Variants in CDH18 observed in about 807,000 individuals in gnomAD.
The protein encoded by CDH18 is cadherin 18, also known as cadherin-18.
A neutral mutation model predicts 67.9 loss-of-function variants in CDH18; 31 were observed. The ratio of observed to expected loss-of-function variants is 0.46; its 90% CI spans 0.34 to 0.62. CDH18 has a LOEUF of 0.62. Ranked by LOEUF, CDH18 falls within the 20% of genes least tolerant of loss-of-function variation. The probability of loss-of-function intolerance (pLI) is 0.01; values close to 1 mark genes in which losing one functional copy is unlikely to be tolerated. For synonymous variants in CDH18, 362 were observed against 347.2 expected (o/e 1.04, Z -0.48); for missense variants, 890 against 975.5 (o/e 0.91, Z 1.17).
intron 2 of CDH18, among the ~76,000 whole-genome samples, chr5:20,034,047 C>T (rs151250253): frequency 0.011 from 1,669 of 152,000 alleles, 15 homozygotes; most frequent in Middle Eastern, 0.02. Flanking sequence ...AAACAGATGG[C>T]AGTGGAAGCA....
At chr5:20,420,117 A>C (rs1035742010) in intron 1 of CDH18, among the ~76,000 whole-genome samples, 1 of 151,114 alleles carries the variant, frequency 6.6e-6, no homozygotes, top group African/African-American at 2.5e-5. Context: ...CAATGGCTGC[A>C]TTTTGTTGAA....
At chr5:19,730,901 A>AT (rs1359385962) in intron 4 of CDH18, among the ~76,000 whole-genome samples, 1 of 152,170 alleles carries the variant, frequency 6.6e-6, no homozygotes, top group Non-Finnish European at 1.5e-5. Context: ...TCTACTATAT[A>AT]TTTTTTAGGA....
At chr5:19,770,642 C>T (rs114603417) in intron 3 of CDH18, among the ~76,000 whole-genome samples, 1 of 151,742 alleles carries the variant, frequency 6.6e-6, no homozygotes, top group Non-Finnish European at 1.5e-5. Flanking sequence ...AAAGGAAGAC[C>T]AAGACAGACT....
At chr5:19,595,891 T>C (rs1043902403) in intron 6 of CDH18, among the ~76,000 whole-genome samples, 5 of 152,218 alleles carry the variant, frequency 3.3e-5, no homozygotes, top group African/African-American at 1.2e-4. Flanking sequence ...TATCTTTTCC[T>C]GTGTAAAACA....
intron 4 of CDH18, among the ~76,000 whole-genome samples, chr5:19,729,019 A>G (rs777546045): frequency 4.6e-5 from 7 of 152,170 alleles, no homozygotes; most frequent in African/African-American, 9.6e-5. Flanking sequence ...AGAAAAAAAT[A>G]TTTCTGCAAG....
chr5:20,076,801 C>T (rs942459422), intron 2 of CDH18, among the ~76,000 whole-genome samples: 2 of 152,178 alleles, frequency 1.3e-5, no homozygotes, highest in Non-Finnish European at 2.9e-5. Flanking sequence ...GATAAAAGTA[C>T]TAAGGCTTTA....
At chr5:19,960,801 A>G (rs1796807631) in intron 2 of CDH18, among the ~76,000 whole-genome samples, 1 of 149,332 alleles carries the variant, frequency 6.7e-6, no homozygotes, top group African/African-American at 2.5e-5. Context: ...GTATATATGT[A>G]TATATACACA....
At chr5:20,377,935 T>A (rs1275657269) in intron 1 of CDH18, among the ~76,000 whole-genome samples, 1 of 112,654 alleles carries the variant, frequency 8.9e-6, no homozygotes, top group African/African-American at 5.3e-5. Flanking sequence ...TTTGCTCCTT[T>A]AATGGAGCAA....
chr5:19,512,400 T>C (rs947752962), intron 10 of CDH18, among the ~76,000 whole-genome samples: 1 of 152,162 alleles, frequency 6.6e-6, no homozygotes, highest in Non-Finnish European at 1.5e-5. Context: ...AATTTTTAGA[T>C]CTCTGAGTAA....
At chr5:19,617,515 G>C (rs1234928291) in intron 5 of CDH18, among the ~76,000 whole-genome samples, 1 of 152,088 alleles carries the variant, frequency 6.6e-6, no homozygotes, top group Non-Finnish European at 1.5e-5. Flanking sequence ...TTACTGCATT[G>C]TGCATTTGTT....
chr5:19,891,933 C>T (rs373056456), intron 2 of CDH18, among the ~76,000 whole-genome samples: 6 of 152,302 alleles, frequency 3.9e-5, no homozygotes, highest in East Asian at 1.9e-4. Context: ...AGAGTTGCCA[C>T]AGATGAGATG....
chr5:20,397,562 C>T (rs1745391104), intron 1 of CDH18, among the ~76,000 whole-genome samples: 3 of 152,054 alleles, frequency 2.0e-5, no homozygotes, highest in Admixed American at 6.6e-5. Flanking sequence ...AATGAAGCAA[C>T]TTAGGAGACT....
At chr5:20,427,900 A>T (rs767718169) in intron 1 of CDH18, among the ~76,000 whole-genome samples, 1 of 151,264 alleles carries the variant, frequency 6.6e-6, no homozygotes, top group African/African-American at 2.5e-5. Context: ...TCAGAACATT[A>T]TCAAACTCTT....
intron 2 of CDH18, among the ~76,000 whole-genome samples, chr5:20,055,879 C>G (rs1345472022): frequency 6.6e-6 from 1 of 150,464 alleles, no homozygotes; most frequent in African/African-American, 2.4e-5. Context: ...GTTCTAAGAT[C>G]ATTATGAGCA....
At chr5:20,172,233 T>C (rs1318611615) in intron 2 of CDH18, among the ~76,000 whole-genome samples, 1 of 127,212 alleles carries the variant, frequency 7.9e-6, no homozygotes, top group African/African-American at 3.1e-5. Context: ...TGTATATATA[T>C]ATATATGTAT....
At chr5:19,614,084 G>C (rs1749439880) in intron 5 of CDH18, among the ~76,000 whole-genome samples, 1 of 151,914 alleles carries the variant, frequency 6.6e-6, no homozygotes, top group Non-Finnish European at 1.5e-5. Flanking sequence ...TACTTTTACA[G>C]ACAATATCTT....
chr5:19,521,976 TTAAG>T (rs1211261483), intron 9 of CDH18, among the ~76,000 whole-genome samples: 2 of 152,108 alleles, frequency 1.3e-5, no homozygotes, highest in African/African-American at 4.8e-5. Context: ...ACGACACATA[TTAAG>T]TGTCAACTGC....
At position 19,473,044 on chromosome 5, in the gene CDH18, T is replaced by TTA; in HGVS notation, c.*181_*182insTA. On this transcript the variant is annotated 3_prime_UTR_variant, in exon 13 of 13. Coordinates refer to ENST00000382275, the MANE Select transcript of CDH18 (RefSeq NM_004934.5). ...CTTTGTATTGTCTTTTTTTTTTTTTTTTTACTTTCTTCCAATTAAATAACC... is the reference window on the plus strand; with the variant it reads ...CTTTGTATTGTCTTTTTTTTTTTTTTTATTTACTTTCTTCCAATTAAATAACC... 1.8e-6 allele frequency: 1 copy of TTA among 557,500 alleles called. No homozygotes were observed. Among genetic ancestry groups the TTA allele is most frequent in the Non-Finnish European group, 3.0e-6 (1 of 331,838 alleles). 34.5% of individuals were successfully genotyped at this position (557,500 alleles called of 1,614,324 possible).
intron 1 of CDH18, among the ~76,000 whole-genome samples, chr5:20,453,429 C>T (rs1217894558): frequency 1.3e-5 from 2 of 152,064 alleles, no homozygotes; most frequent in Non-Finnish European, 2.9e-5. Context: ...CATTCAAGAT[C>T]TTTAATTTTC....
Sources: allele counts gnomAD v4.1 joint callset (sites outside exome capture counted in the v4.1 genomes callset), GRCh38; gene constraint gnomAD v4.1.1; transcripts MANE v1.5; gene names NCBI Gene and HGNC (gene_info 2026-07-23, HGNC 2026-07-21).